Variants in MSN observed in about 807,000 individuals in gnomAD.
The protein encoded by MSN is moesin.
A neutral mutation model predicts 48.0 loss-of-function variants in MSN; 2 were observed. The ratio of observed to expected loss-of-function variants is 0.04; its 90% CI spans 0.02 to 0.13. MSN has a LOEUF of 0.13. Ranked by LOEUF, MSN falls within the 10% of genes least tolerant of loss-of-function variation. The probability of loss-of-function intolerance (pLI) is 1.00; values close to 1 mark genes in which losing one functional copy is unlikely to be tolerated. For synonymous variants in MSN, 146 were observed against 166.9 expected, an observed-to-expected ratio of 0.87 and a Z score of 0.97; for missense variants, 267 against 470.1, an observed-to-expected ratio of 0.57 and a Z score of 3.99.
chrX:65,639,104 A>G (rs1035757133), intron 1 of MSN, among the ~76,000 whole-genome samples: 5 of 112,351 alleles, frequency 4.5e-5, no homozygotes, highest in Admixed American at 3.8e-4. Context: ...TTCATTTTTC[A>G]GAAGAATCAA....
intron 1 of MSN, among the ~76,000 whole-genome samples, chrX:65,616,749 T>G (rs1297776616): frequency 1.9e-5 from 2 of 105,733 alleles, no homozygotes; most frequent in African/African-American, 3.5e-5. Context: ...CTATGTTGAA[T>G]AGGAGTGGTG....
At chrX:65,733,863 G>A (rs58919536) in intron 7 of MSN, among the ~76,000 whole-genome samples, 26,381 of 111,009 alleles carry the variant, frequency 0.24, 7,539 homozygotes, top group African/African-American at 0.82. Context: ...CATGTTGGCC[G>A]GGCTGGTCTT....
rs1332252843 is a variant in MSN at position 65,739,214 on chromosome X, G to A, written c.1569+20G>A. ...CTGAAGGTATACAAGTAGGGCCAAG[G>A]GGCAAGGAAACTATATGCATTGATT... On this transcript the variant is annotated intron_variant, in intron 12 of 12. Transcript: ENST00000360270. The A allele has an allele frequency of 1.7e-6, 2 of 1,177,890 alleles. No individual in the cohort carries two copies. Among genetic ancestry groups the A allele is most frequent in the African/African-American group, 3.5e-5 (2 of 56,796 alleles).
At chrX:65,653,290 C>A (rs1251246039) in intron 1 of MSN, among the ~76,000 whole-genome samples, 1 of 110,976 alleles carries the variant, frequency 9.0e-6, no homozygotes. Context: ...GGGGATGGCC[C>A]CGCATTTTCC....
chrX:65,597,026 C>T (rs1033526822), intron 1 of MSN, among the ~76,000 whole-genome samples: 1 of 111,434 alleles, frequency 9.0e-6, no homozygotes, highest in Admixed American at 9.5e-5. Flanking sequence ...ATAACTCCAA[C>T]AGTGCTTTAT....
In MSN at chrX:65,685,906, C is replaced by A. The variant is rs751427642; in HGVS notation, c.12+18053C>A. ...TCAGCCACTGAAGTGGGTGTACAAC[C>A]CCCCACTGCTAAATTTGACTGGCTT... On this transcript the variant is annotated intron_variant, in intron 1 of 12. Coordinates refer to ENST00000360270, the MANE Select transcript of MSN (RefSeq NM_002444.3). 2.4e-3 allele frequency among the ~76,000 whole-genome samples: 274 copies of A among 112,319 alleles called. 3 individuals are homozygous for A. Among genetic ancestry groups the A allele is most frequent in the African/African-American group, 8.6e-3 (265 of 30,925 alleles).
chrX:65,608,099 C>T (rs888546187), intron 1 of MSN, among the ~76,000 whole-genome samples: 1 of 112,087 alleles, frequency 8.9e-6, no homozygotes, highest in Non-Finnish European at 1.9e-5. Flanking sequence ...GTCATCTCTG[C>T]GAACTGATTC....
At chrX:65,668,227 G>C (rs2070893731) in intron 1 of MSN, among the ~76,000 whole-genome samples, 1 of 112,611 alleles carries the variant, frequency 8.9e-6, no homozygotes, top group African/African-American at 3.2e-5. Context: ...CCCAGGAATT[G>C]GCACCTTTCT....
At chrX:65,680,199 C>T (rs774677597) in intron 1 of MSN, among the ~76,000 whole-genome samples, 2 of 111,623 alleles carry the variant, frequency 1.8e-5, no homozygotes, top group African/African-American at 6.5e-5. Flanking sequence ...CTCAGCATGG[C>T]ATATGACAAA....
chrX:65,637,950 G>A (rs1339693218), intron 1 of MSN, among the ~76,000 whole-genome samples: 1 of 111,611 alleles, frequency 9.0e-6, no homozygotes, highest in African/African-American at 3.3e-5. Context: ...CTATACATTA[G>A]ACTGATTTAC....
chrX:65,662,717 A>C (rs185023069), upstream of MSN, among the ~76,000 whole-genome samples: 14 of 112,619 alleles, frequency 1.2e-4, no homozygotes, highest in South Asian at 7.2e-4. Flanking sequence ...ACTTCTTGAC[A>C]TAGGCCTTGG....
chrX:65,655,078 TAC>T (rs2070772119), intron 1 of MSN, among the ~76,000 whole-genome samples: 1 of 111,540 alleles, frequency 9.0e-6, no homozygotes, highest in Non-Finnish European at 1.9e-5. Flanking sequence ...CAGAGCCTAG[TAC>T]AGTGCCTTTT....
intron 1 of MSN, among the ~76,000 whole-genome samples, chrX:65,641,336 C>T (rs1022522297): frequency 9.6e-6 from 1 of 104,138 alleles, no homozygotes; most frequent in Non-Finnish European, 2.0e-5. Context: ...TTGAGACCAG[C>T]GTGGCAAACA....
At chrX:65,695,227 G>GC (rs2071221413) in intron 1 of MSN, among the ~76,000 whole-genome samples, 6 of 110,620 alleles carry the variant, frequency 5.4e-5, no homozygotes, top group Non-Finnish European at 9.4e-5. Flanking sequence ...CGGGCCGGGC[G>GC]TGTTGGCTCA....
At chrX:65,606,462 C>T (rs1487193568) in intron 1 of MSN, among the ~76,000 whole-genome samples, 1 of 111,059 alleles carries the variant, frequency 9.0e-6, no homozygotes, top group African/African-American at 3.3e-5. Context: ...TTGCTCTGTT[C>T]CCCAGACCGG....
intron 3 of MSN, among the ~76,000 whole-genome samples, chrX:65,729,122 A>G (rs941511322): frequency 3.6e-5 from 4 of 112,130 alleles, no homozygotes; most frequent in African/African-American, 1.3e-4. Flanking sequence ...CGAGCTTAAA[A>G]GAAGAGCTTA....
intron 1 of MSN, among the ~76,000 whole-genome samples, chrX:65,693,265 C>T (rs2071194059): frequency 1.8e-5 from 2 of 111,913 alleles, no homozygotes; most frequent in African/African-American, 6.5e-5. Flanking sequence ...AAATCAGCTC[C>T]TGGGTTCATT....
intron 1 of MSN, among the ~76,000 whole-genome samples, chrX:65,590,315 C>T (rs2070136267): frequency 9.0e-6 from 1 of 111,409 alleles, no homozygotes; most frequent in Non-Finnish European, 1.9e-5. Flanking sequence ...CCAGGACTTT[C>T]TGTCCTGGGA....
intron 1 of MSN, among the ~76,000 whole-genome samples, chrX:65,641,585 T>A (rs1446137304): frequency 5.5e-5 from 4 of 72,470 alleles, no homozygotes; most frequent in African/African-American, 1.0e-4. Context: ...TATATATATA[T>A]ATATATATAT....
Sources: allele counts gnomAD v4.1 joint callset (sites outside exome capture counted in the v4.1 genomes callset), GRCh38; gene constraint gnomAD v4.1.1; transcripts MANE v1.5; gene names NCBI Gene and HGNC (gene_info 2026-07-23, HGNC 2026-07-21).